The following HMBOX1 variants were observed in gnomAD, a reference collection of about 807,000 sequenced individuals.
HMBOX1 encodes homeobox-containing protein 1.
A neutral mutation model predicts 54.5 loss-of-function variants in HMBOX1; 14 were observed. The ratio of observed to expected loss-of-function variants is 0.26; its 90% CI spans 0.17 to 0.40. HMBOX1 has a LOEUF of 0.40. Among genes scored for constraint, HMBOX1 ranks in the 10% least tolerant of loss-of-function variants. The pLI is 1.00. For synonymous variants in HMBOX1, 160 were observed against 181.0 expected (o/e 0.88, Z 0.93); for missense variants, 332 against 514.4 (o/e 0.65, Z 3.43).
At chr8:29,047,070 A>G (rs916440784) in intron 7 of HMBOX1, among the ~76,000 whole-genome samples, 9 of 152,254 alleles carry the variant, frequency 5.9e-5, no homozygotes, top group Non-Finnish European at 8.8e-5. Flanking sequence ...CGTGGATCTG[A>G]CACCCTAGCC....
intron 4 of HMBOX1, among the ~76,000 whole-genome samples, chr8:29,004,269 G>C (rs922659798): frequency 2.0e-5 from 3 of 152,162 alleles, no homozygotes; most frequent in Admixed American, 2.0e-4. Flanking sequence ...AATGTTGTTG[G>C]TAATTGAGAT....
At chr8:28,966,974 T>C (rs1826542574) in intron 2 of HMBOX1, among the ~76,000 whole-genome samples, 2 of 152,240 alleles carry the variant, frequency 1.3e-5, no homozygotes, top group Non-Finnish European at 2.9e-5. Context: ...TTAGGGATTA[T>C]TGGAACAAGG....
At chr8:29,034,306 A>T (rs1803479684) in intron 6 of HMBOX1, among the ~76,000 whole-genome samples, 1 of 152,158 alleles carries the variant, frequency 6.6e-6, no homozygotes, top group Non-Finnish European at 1.5e-5. Flanking sequence ...ATTCTATTTA[A>T]TTGGTTCCTA....
chr8:28,894,996 T>C (rs1373250130), intron 1 of HMBOX1, among the ~76,000 whole-genome samples: 1 of 152,082 alleles, frequency 6.6e-6, no homozygotes, highest in Non-Finnish European at 1.5e-5. Context: ...TGATCAATTA[T>C]TTTAACTTTT....
chr8:29,051,858 G>A lies in HMBOX1; in HGVS notation c.*703G>A. The A allele has an allele frequency of 3.1e-6, 1 of 327,422 alleles. No individual in the cohort carries two copies. Among genetic ancestry groups the A allele is most frequent in the East Asian group, 4.7e-5 (1 of 21,068 alleles). 20.3% of individuals were successfully genotyped at this position (327,422 alleles called of 1,614,324 possible). A position where few individuals can be genotyped will look rare whatever the true frequency, so the allele number is the denominator to read the frequency against. ...AGATAAAATACTGCCTTCTGCCTTT[G>A]GGACCATGATTAAAAACAAAGACAA... On this transcript the variant is annotated 3_prime_UTR_variant, in exon 10 of 10. Transcript: ENST00000287701.
intron 1 of HMBOX1, among the ~76,000 whole-genome samples, chr8:28,943,133 C>T (rs1821752837): frequency 1.3e-5 from 2 of 152,314 alleles, no homozygotes; most frequent in Middle Eastern, 3.4e-3. Flanking sequence ...TTGTGTTTCA[C>T]GCTGTAGGGG....
intron 5 of HMBOX1, among the ~76,000 whole-genome samples, chr8:29,014,969 C>G (rs139411356): frequency 6.6e-6 from 1 of 152,152 alleles, no homozygotes; most frequent in African/African-American, 2.4e-5. Flanking sequence ...CATGAGCCAC[C>G]GCGCCCGGCC....
At chr8:29,048,282 C>A (rs190743260) in intron 8 of HMBOX1, among the ~76,000 whole-genome samples, 1 of 152,080 alleles carries the variant, frequency 6.6e-6, no homozygotes, top group African/African-American at 2.4e-5. Flanking sequence ...CAAAACATCA[C>A]CTTGTACACC....
chr8:28,987,919 GT>G lies in HMBOX1; in HGVS notation c.586+7769del, dbSNP rs373144299. Among the ~76,000 whole-genome samples the G allele has an allele frequency of 7.9e-4, 121 of 152,214 alleles. 1 individual carries two copies. The highest frequency in any genetic ancestry group is 2.9e-3 in the African/African-American group (121 of 41,546). On this transcript the variant is annotated intron_variant, in intron 4 of 9. Coordinates refer to ENST00000287701, the MANE Select transcript of HMBOX1 (RefSeq NM_001135726.3). ...ACTTGGAGATGTACAGGGGAAATTT[GT>G]TTTTTCCTTTGTTTTTATCACCTTT... is the stretch of plus-strand genomic sequence containing the variant.
At chr8:28,999,119 C>G (rs1022917026) in intron 4 of HMBOX1, among the ~76,000 whole-genome samples, 22 of 152,212 alleles carry the variant, frequency 1.4e-4, no homozygotes, top group African/African-American at 5.1e-4. Flanking sequence ...TGCTTAATGT[C>G]CTTTCCTTTC....
intron 3 of HMBOX1, 54 bp from the exon 4 acceptor site, chr8:28,980,017 T>G: frequency 4.6e-6 from 6 of 1,313,182 alleles, no homozygotes; most frequent in South Asian, 1.2e-5. Context: ...TTAGCAAAGA[T>G]GAGGATTTCT....
chr8:28,963,890 TGTAA>T lies in HMBOX1; in HGVS notation c.23+4_23+7del. The T allele has an allele frequency of 6.2e-7, 1 of 1,601,888 alleles. No individual in the cohort carries two copies. The highest frequency in any genetic ancestry group is 8.5e-7 in the Non-Finnish European group (1 of 1,172,446). ...AGTATGCTTAGTTCCTTTCCAGTGGTGTAAGTATCAAGTCCTTTTTGATTTTTAT... is the reference window on the plus strand; with the variant it reads ...AGTATGCTTAGTTCCTTTCCAGTGGTGTATCAAGTCCTTTTTGATTTTTAT... On this transcript the variant is annotated splice_donor_variant and splice_donor_region_variant and intron_variant, in intron 2 of 9. Coordinates refer to ENST00000287701, the MANE Select transcript of HMBOX1 (RefSeq NM_001135726.3). LOFTEE classifies it high-confidence loss of function.
At chr8:29,026,077 CACACAG>C (rs1472564441) in intron 6 of HMBOX1, among the ~76,000 whole-genome samples, 4 of 144,754 alleles carry the variant, frequency 2.8e-5, no homozygotes, top group Non-Finnish European at 6.2e-5. Context: ...CACACACACA[CACACAG>C]TTTTCCTGCC....
intron 1 of HMBOX1, among the ~76,000 whole-genome samples, chr8:28,927,535 G>A (rs904409812): frequency 3.3e-5 from 5 of 151,590 alleles, no homozygotes; most frequent in Non-Finnish European, 7.4e-5. Flanking sequence ...AGGAGGAGGA[G>A]GAAAAAGAGA....
chr8:29,015,127 A>T (rs570244432), intron 5 of HMBOX1, among the ~76,000 whole-genome samples: 1 of 152,206 alleles, frequency 6.6e-6, no homozygotes, highest in South Asian at 2.1e-4. Context: ...ACAATACTGA[A>T]TATTACAAAG....
At chr8:29,010,053 T>A (rs1048429774) in intron 5 of HMBOX1, 1 of 984,602 alleles carries the variant, frequency 1.0e-6, no homozygotes, top group African/African-American at 1.7e-5. Flanking sequence ...TATTTTTGTG[T>A]GTAAGTATGT....
intron 1 of HMBOX1, among the ~76,000 whole-genome samples, chr8:28,898,084 A>G (rs1202480144): frequency 6.6e-6 from 1 of 152,214 alleles, no homozygotes. Flanking sequence ...TTAATCCAAT[A>G]TACTATCGAT....
intron 4 of HMBOX1, among the ~76,000 whole-genome samples, chr8:28,992,247 A>T (rs1831083603): frequency 6.6e-6 from 1 of 152,244 alleles, no homozygotes; most frequent in Non-Finnish European, 1.5e-5. Context: ...AAATGGAAAG[A>T]ATAACAACAG....
At chr8:28,899,970 G>C (rs1008165390) in intron 1 of HMBOX1, among the ~76,000 whole-genome samples, 2 of 152,008 alleles carry the variant, frequency 1.3e-5, no homozygotes, top group East Asian at 1.9e-4. Flanking sequence ...TTAGTTTCTG[G>C]CTGGGCGCAG....
Sources: allele counts gnomAD v4.1 joint callset (sites outside exome capture counted in the v4.1 genomes callset), GRCh38; gene constraint gnomAD v4.1.1; transcripts MANE v1.5; gene names NCBI Gene and HGNC (gene_info 2026-07-23, HGNC 2026-07-21).